PHLPP1: variants seen among roughly 807,000 people sequenced by gnomAD.
The protein encoded by PHLPP1 is PH domain leucine-rich repeat-containing protein phosphatase 1.
PHLPP1 carries 42 observed loss-of-function variants against 117.2 expected under a neutral mutation model. The observed-to-expected ratio is 0.36, with a 90% CI of 0.28 to 0.46. The LOEUF (loss-of-function observed/expected upper bound fraction) is 0.46, where lower values mean the gene tolerates loss of function less well. PHLPP1 is among the 20% of genes least tolerant of loss of function. PHLPP1 has a pLI of 1.00. For missense variants in PHLPP1, 2,084 were observed against 2,241.9 expected, an observed-to-expected ratio of 0.93 and a Z score of 1.42; for synonymous variants, 1,042 against 970.7, an observed-to-expected ratio of 1.07 and a Z score of -1.37.
At chr18:62,757,382 G>A (rs12454932) in intron 1 of PHLPP1, among the ~76,000 whole-genome samples, 7,904 of 152,262 alleles carry the variant, frequency 0.052, 289 homozygotes, top group Middle Eastern at 0.088. Flanking sequence ...ATGTTGTACT[G>A]ATGTCCTTCT....
At chr18:62,975,203 T>A (rs559183909) in intron 15 of PHLPP1, among the ~76,000 whole-genome samples, 194 bp from the exon 16 acceptor site, 1 of 152,246 alleles carries the variant, frequency 6.6e-6, no homozygotes, top group East Asian at 1.9e-4. Context: ...TCTGTGTGGA[T>A]GTGTGTGATG....
chr18:62,959,634 A>G (rs571087803), intron 13 of PHLPP1, among the ~76,000 whole-genome samples: 4 of 152,272 alleles, frequency 2.6e-5, no homozygotes, highest in East Asian at 1.9e-4. Flanking sequence ...TGCATGCCAT[A>G]TATGTTTATT....
chr18:62,861,308 T>TGG (rs761498366), intron 4 of PHLPP1, among the ~76,000 whole-genome samples: 2 of 152,200 alleles, frequency 1.3e-5, no homozygotes, highest in East Asian at 3.9e-4. Flanking sequence ...TTTACCATGT[T>TGG]GGCCAGGCTG....
chr18:62,835,506 A>G (rs879398306), intron 2 of PHLPP1, among the ~76,000 whole-genome samples: 8 of 151,910 alleles, frequency 5.3e-5, no homozygotes, highest in Non-Finnish European at 1.0e-4. Context: ...CTCCTTATCA[A>G]TGATCTTGAG....
At chr18:62,892,082 C>CTTT (rs200141250) in intron 4 of PHLPP1, among the ~76,000 whole-genome samples, 17 of 107,966 alleles carry the variant, frequency 1.6e-4, no homozygotes, top group African/African-American at 5.5e-4. Flanking sequence ...TTCTTTCTTT[C>CTTT]TTTTTTTTTT....
intron 1 of PHLPP1, among the ~76,000 whole-genome samples, chr18:62,791,337 A>T (rs1324191090): frequency 6.6e-6 from 1 of 152,152 alleles, no homozygotes; most frequent in Admixed American, 6.5e-5. Context: ...CTGTGTAGCC[A>T]CATGTTTCCT....
intron 3 of PHLPP1, among the ~76,000 whole-genome samples, chr18:62,858,836 G>A (rs1915562455): frequency 3.9e-5 from 6 of 152,106 alleles, no homozygotes; most frequent in Admixed American, 3.9e-4. Flanking sequence ...AAATGGTAGT[G>A]TTAGTAGTAG....
chr18:62,732,864 A>G (rs1452638627), intron 1 of PHLPP1, among the ~76,000 whole-genome samples: 1 of 152,224 alleles, frequency 6.6e-6, no homozygotes, highest in Non-Finnish European at 1.5e-5. Context: ...TGTTGGAAAT[A>G]GCAAAAGAAC....
chr18:62,772,743 A>G lies in PHLPP1; in HGVS notation c.1576+55484A>G, dbSNP rs539014321. On this transcript the variant is annotated intron_variant, in intron 1 of 16. Coordinates refer to ENST00000262719, the MANE Select transcript of PHLPP1 (RefSeq NM_194449.4). ...CTACTTGGGGGGCTGAGGGATGAGAATGGCTTGAACCTGGCAGGTGGAGGT... is the reference window on the plus strand; with the variant it reads ...CTACTTGGGGGGCTGAGGGATGAGAGTGGCTTGAACCTGGCAGGTGGAGGT... Among the ~76,000 whole-genome samples the G allele has an allele frequency of 6.1e-5, 9 of 148,646 alleles. No homozygotes were observed. The East Asian group carries it at 1.8e-3, about 30-fold the overall frequency.
At chr18:62,795,220 G>A (rs1451425889) in intron 1 of PHLPP1, among the ~76,000 whole-genome samples, 1 of 152,014 alleles carries the variant, frequency 6.6e-6, no homozygotes, top group Non-Finnish European at 1.5e-5. Context: ...GCTCACACTT[G>A]TAATCCCAGC....
At position 62,752,487 on chromosome 18, in the gene PHLPP1, A is replaced by T. The variant is rs79791012; in HGVS notation, c.1576+35228A>T. ...GACGCTGAATTGTTGTTATATCTCC[A>T]GTCTTTTCAAATAGATATGCAGATA... On this transcript the variant is annotated intron_variant, in intron 1 of 16. Transcript: ENST00000262719. 3.3e-3 allele frequency among the ~76,000 whole-genome samples: 497 copies of T among 152,372 alleles called. 2 individuals are homozygous for T. The highest frequency in any genetic ancestry group is 5.3e-3 in the Non-Finnish European group (361 of 68,036).
At chr18:62,962,256 G>GATTTT (rs533510339) in intron 13 of PHLPP1, among the ~76,000 whole-genome samples, 41 of 151,780 alleles carry the variant, frequency 2.7e-4, no homozygotes, top group African/African-American at 6.3e-4. Flanking sequence ...TCTAGAGGCT[G>GATTTT]ATTTTATTTT....
chr18:62,903,396 C>A (rs2144407520), intron 7 of PHLPP1, among the ~76,000 whole-genome samples: 1 of 152,126 alleles, frequency 6.6e-6, no homozygotes, highest in African/African-American at 2.4e-5. Context: ...ATAAGTTACT[C>A]CCACTTTTGA....
intron 3 of PHLPP1, among the ~76,000 whole-genome samples, chr18:62,855,260 G>T (rs1436409747): frequency 6.6e-6 from 1 of 152,120 alleles, no homozygotes; most frequent in Non-Finnish European, 1.5e-5. Context: ...GTGGTTTTTT[G>T]ATTAATTTTT....
intron 10 of PHLPP1, among the ~76,000 whole-genome samples, chr18:62,932,287 C>T (rs117346288): frequency 0.01 from 1,536 of 149,450 alleles, 16 homozygotes; most frequent in Non-Finnish European, 0.015. Flanking sequence ...CCAGTATCAT[C>T]CTGATACCAA....
intron 3 of PHLPP1, among the ~76,000 whole-genome samples, chr18:62,849,824 A>ATATATAT (rs1450269021): frequency 8.9e-5 from 4 of 44,760 alleles, no homozygotes; most frequent in Non-Finnish European, 1.4e-4. Flanking sequence ...AAAAAAAAAA[A>ATATATAT]AAAAAAAAAT....
At chr18:62,901,560 C>G (rs1257920449) in intron 6 of PHLPP1, among the ~76,000 whole-genome samples, 2 of 151,770 alleles carry the variant, frequency 1.3e-5, no homozygotes, top group East Asian at 3.9e-4. Flanking sequence ...TTTTAAAGGA[C>G]AGAAATTCAC....
At chr18:62,736,740 T>G in intron 1 of PHLPP1, among the ~76,000 whole-genome samples, 1 of 152,154 alleles carries the variant, frequency 6.6e-6, no homozygotes, top group South Asian at 2.1e-4. Flanking sequence ...AGCCATCTGT[T>G]TAGTTGGTAA....
chr18:62,903,785 A>G (rs78723175), intron 7 of PHLPP1, among the ~76,000 whole-genome samples: 2 of 151,368 alleles, frequency 1.3e-5, no homozygotes, highest in African/African-American at 2.4e-5. Context: ...AAAAAAAAAG[A>G]CAAGAAAAGA....
Sources: gnomAD v4.1 joint callset for allele counts (sites outside exome capture counted in the v4.1 genomes callset) on GRCh38, gnomAD v4.1.1 for gene constraint, MANE v1.5 for transcripts, NCBI Gene and HGNC (gene_info 2026-07-23, HGNC 2026-07-21) for gene names.